The following RIMS2 variants were observed in gnomAD, a reference collection of about 807,000 sequenced individuals.
RIMS2 encodes regulating synaptic membrane exocytosis 2.
In RIMS2, 59 loss-of-function variants were observed where a neutral mutation model predicts 174.4. That is an observed-to-expected ratio of 0.34 (90% confidence interval 0.27 to 0.42). RIMS2 has a LOEUF of 0.42. Among genes scored for constraint, RIMS2 ranks in the 10% least tolerant of loss-of-function variants. RIMS2 has a pLI of 1.00. For synonymous variants in RIMS2, 606 were observed against 572.5 expected (o/e 1.06, Z -0.84); for missense variants, 1,620 against 1,666.3 (o/e 0.97, Z 0.48).
intron 1 of RIMS2, among the ~76,000 whole-genome samples, chr8:103,578,354 A>G (rs2093388225): frequency 6.6e-6 from 1 of 151,784 alleles, no homozygotes; most frequent in Non-Finnish European, 1.5e-5. Flanking sequence ...ACATGGTGAA[A>G]CCCCATCTCT....
intron 1 of RIMS2, among the ~76,000 whole-genome samples, chr8:103,578,003 A>C (rs761282154): frequency 1.3e-5 from 2 of 152,214 alleles, no homozygotes; most frequent in Non-Finnish European, 2.9e-5. Flanking sequence ...AGCAAATCTA[A>C]GATTTATTGA....
intron 19 of RIMS2, among the ~76,000 whole-genome samples, chr8:104,025,270 A>G (rs560314165): frequency 1.1e-4 from 16 of 152,292 alleles, no homozygotes; most frequent in African/African-American, 3.8e-4. Context: ...GCTTGAGGAA[A>G]GGAGTTTGAG....
chr8:104,151,585 GAA>G (rs35948552), intron 19 of RIMS2, among the ~76,000 whole-genome samples: 3 of 148,174 alleles, frequency 2.0e-5, no homozygotes, highest in Admixed American at 6.7e-5. Context: ...CCCAACTCCA[GAA>G]AAAAAAAAAG....
intron 3 of RIMS2, among the ~76,000 whole-genome samples, chr8:103,834,716 CTTTCTTTCTTTCTTTCTTTCTTTCTT>C (rs1564829651): frequency 3.8e-5 from 5 of 133,042 alleles, no homozygotes; most frequent in African/African-American, 1.2e-4. Context: ...TTCTTTCTTT[CTTTCTTTCTTTCTTTCTTTCTTTCTT>C]TCTCTCTCTT....
At chr8:103,605,274 T>G (rs2094996277) in intron 1 of RIMS2, among the ~76,000 whole-genome samples, 1 of 143,160 alleles carries the variant, frequency 7.0e-6, no homozygotes, top group South Asian at 2.2e-4. Context: ...GTTTTTGTCT[T>G]TGGCTCTGTT....
At chr8:103,791,910 G>T (rs1313892043) in intron 3 of RIMS2, among the ~76,000 whole-genome samples, 2 of 152,110 alleles carry the variant, frequency 1.3e-5, no homozygotes, top group Admixed American at 1.3e-4. Context: ...GGATCGCCCA[G>T]ATTCATAAAG....
chr8:103,780,276 A>G (rs770862324), intron 3 of RIMS2, among the ~76,000 whole-genome samples: 4 of 152,076 alleles, frequency 2.6e-5, no homozygotes, highest in Non-Finnish European at 5.9e-5. Flanking sequence ...CTACCTGGAT[A>G]TTTATGTATT....
intron 3 of RIMS2, among the ~76,000 whole-genome samples, chr8:103,834,147 C>T (rs910714247): frequency 6.6e-6 from 1 of 152,006 alleles, no homozygotes; most frequent in African/African-American, 2.4e-5. Context: ...GTAGCTGGAA[C>T]TACAGGCATG....
chr8:103,834,332 C>CTTTTTTTTT (rs397892077), intron 3 of RIMS2, among the ~76,000 whole-genome samples: 2 of 119,290 alleles, frequency 1.7e-5, no homozygotes, highest in Non-Finnish European at 3.4e-5. Context: ...TTTTCTTTTT[C>CTTTTTTTTT]TTTTTTTTTT....
At chr8:104,117,805 A>G (rs138552445) in intron 19 of RIMS2, among the ~76,000 whole-genome samples, 1 of 152,342 alleles carries the variant, frequency 6.6e-6, no homozygotes, top group African/African-American at 2.4e-5. Context: ...TTCTTCTAGT[A>G]CTTAGTTCTG....
intron 19 of RIMS2, among the ~76,000 whole-genome samples, chr8:104,112,791 C>A (rs765535656): frequency 2.6e-5 from 4 of 152,174 alleles, no homozygotes; most frequent in Non-Finnish European, 5.9e-5. Flanking sequence ...CACTGCCTAG[C>A]ACAGCACAGG....
rs1036600664 is a variant in RIMS2 at position 104,148,474 on chromosome 8, A to G, written c.3335-96442A>G. On this transcript the variant is annotated intron_variant, in intron 19 of 23. Transcript: ENST00000504942. ...CACAATCAAGACCATGGTATTTGAA[A>G]TTTTTTAACTCCTAAAAATATATTC... 1.1e-5 allele frequency: 10 copies of G among 905,006 alleles called. No individual in the cohort carries two copies. The African/African-American group carries it at 1.7e-4, about 15-fold the overall frequency. 56.1% of individuals were successfully genotyped at this position (905,006 alleles called of 1,614,324 possible).
chr8:103,972,200 C>A (rs2092957882), intron 15 of RIMS2, among the ~76,000 whole-genome samples: 1 of 152,182 alleles, frequency 6.6e-6, no homozygotes, highest in Admixed American at 6.5e-5. Flanking sequence ...GTATCTCCAG[C>A]TTAACATGTC....
chr8:103,802,504 A>G (rs1447158023), intron 3 of RIMS2, among the ~76,000 whole-genome samples: 1 of 152,202 alleles, frequency 6.6e-6, no homozygotes, highest in Non-Finnish European at 1.5e-5. Flanking sequence ...CAAGGATATA[A>G]TGGATAAGGA....
intron 4 of RIMS2, among the ~76,000 whole-genome samples, chr8:103,888,367 T>G (rs1453681128): frequency 6.6e-6 from 1 of 150,910 alleles, no homozygotes; most frequent in Non-Finnish European, 1.5e-5. Context: ...ATCTTAATTA[T>G]TTTTTTTATG....
At chr8:104,229,652 C>T (rs1045017329) in intron 19 of RIMS2, among the ~76,000 whole-genome samples, 1 of 152,114 alleles carries the variant, frequency 6.6e-6, no homozygotes, top group African/African-American at 2.4e-5. Context: ...AGCTAGCTCT[C>T]TCCCTTGCTC....
At chr8:104,253,394 T>C (rs1327350343), downstream of RIMS2, 1 of 152,184 alleles carries the variant, frequency 6.6e-6, no homozygotes, top group Non-Finnish European at 1.5e-5. Flanking sequence ...CATTTTTCTG[T>C]AGTAAAATTC....
intron 7 of RIMS2, among the ~76,000 whole-genome samples, chr8:103,916,015 T>C (rs999040240): frequency 1.3e-5 from 2 of 151,952 alleles, no homozygotes; most frequent in Middle Eastern, 3.2e-3. Flanking sequence ...ATACTAATTA[T>C]TAAGGTTTTT....
chr8:103,975,008 G>A (rs962836615), intron 15 of RIMS2, among the ~76,000 whole-genome samples: 3 of 152,076 alleles, frequency 2.0e-5, no homozygotes, highest in Admixed American at 6.6e-5. Context: ...AGCTTTTCTA[G>A]GTCATTGAAG....
Sources: allele counts gnomAD v4.1 joint callset (sites outside exome capture counted in the v4.1 genomes callset), GRCh38; gene constraint gnomAD v4.1.1; transcripts MANE v1.5; gene names NCBI Gene and HGNC (gene_info 2026-07-23, HGNC 2026-07-21).